TTC39B: variants seen among roughly 807,000 people sequenced by gnomAD.
TTC39B encodes tetratricopeptide repeat protein 39B.
In TTC39B, 92 loss-of-function variants were observed where a neutral mutation model predicts 96.6. The observed-to-expected ratio is 0.95, with a 90% CI of 0.80 to 1.13. The LOEUF (loss-of-function observed/expected upper bound fraction) is 1.13, where lower values mean the gene tolerates loss of function less well. Among genes scored for constraint, TTC39B ranks in the 50% most tolerant of loss-of-function variants. The pLI, the probability that TTC39B is intolerant of heterozygous loss-of-function variation, is 0.00. For synonymous variants in TTC39B, 367 were observed against 299.4 expected, an observed-to-expected ratio of 1.23 and a Z score of -2.33; for missense variants, 955 against 809.3, an observed-to-expected ratio of 1.18 and a Z score of -2.18.
intron 2 of TTC39B, among the ~76,000 whole-genome samples, chr9:15,242,490 G>A (rs1822089446): frequency 6.6e-6 from 1 of 152,146 alleles, no homozygotes; most frequent in South Asian, 2.1e-4. Context: ...GGCTGAAGCG[G>A]GAGGATCGCT....
chr9:15,213,848 C>T (rs1820346365), intron 4 of TTC39B, among the ~76,000 whole-genome samples: 1 of 152,126 alleles, frequency 6.6e-6, no homozygotes, highest in Non-Finnish European at 1.5e-5. Context: ...AACATAAAAA[C>T]ATTTCACTGA....
intron 2 of TTC39B, among the ~76,000 whole-genome samples, chr9:15,226,719 C>T (rs1380796161): frequency 6.6e-6 from 1 of 152,142 alleles, no homozygotes; most frequent in Non-Finnish European, 1.5e-5. Context: ...AAGGTAAGGA[C>T]CAATTTGCCT....
chr9:15,192,173 T>C (rs1183691411), intron 9 of TTC39B, among the ~76,000 whole-genome samples: 1 of 152,216 alleles, frequency 6.6e-6, no homozygotes. Flanking sequence ...TAATCACATA[T>C]TGGAATTTGA....
Position 15,209,946 on chromosome 9 carries a change from A to G in TTC39B, c.691+142T>C, listed in dbSNP as rs372371969. 145 of 642,760 alleles carry G rather than the reference A, an allele frequency of 2.3e-4. 2 individuals are homozygous for G. The East Asian group carries it at 3.2e-3, about 14-fold the overall frequency. 39.8% of individuals were successfully genotyped at this position (642,760 alleles called of 1,614,324 possible). Reference sequence around the variant, plus strand: ...AAGGCTTCAAAATGAACTATTAACAATGATTTCTTCCAGAGGGTGAGTATG... The same window carrying G: ...AAGGCTTCAAAATGAACTATTAACAGTGATTTCTTCCAGAGGGTGAGTATG... On this transcript the variant is annotated intron_variant, in intron 6 of 19. Coordinates refer to ENST00000512701, the Ensembl canonical transcript of TTC39B.
At chr9:15,178,736 T>G in intron 17 of TTC39B, among the ~76,000 whole-genome samples, 1 of 152,182 alleles carries the variant, frequency 6.6e-6, no homozygotes, top group East Asian at 1.9e-4. Flanking sequence ...ATAAAGAGCT[T>G]TATTAATTCT....
chr9:15,237,854 A>G (rs1427845123), intron 2 of TTC39B, among the ~76,000 whole-genome samples: 1 of 152,186 alleles, frequency 6.6e-6, no homozygotes, highest in Non-Finnish European at 1.5e-5. Flanking sequence ...CTACCAACCA[A>G]TATCCCTGAG....
chr9:15,238,803 C>T (rs557086370), intron 2 of TTC39B, among the ~76,000 whole-genome samples: 5 of 152,020 alleles, frequency 3.3e-5, no homozygotes, highest in South Asian at 2.1e-4. Flanking sequence ...CTGGGCAACA[C>T]GACAAAACCC....
chr9:15,235,196 A>G (rs1821721592), intron 2 of TTC39B, among the ~76,000 whole-genome samples: 1 of 152,108 alleles, frequency 6.6e-6, no homozygotes, highest in Non-Finnish European at 1.5e-5. Flanking sequence ...AATTCATATC[A>G]CCAACTAATA....
At chr9:15,194,703 T>C (rs952549724) in intron 8 of TTC39B, among the ~76,000 whole-genome samples, 1 of 152,232 alleles carries the variant, frequency 6.6e-6, no homozygotes, top group Non-Finnish European at 1.5e-5. Flanking sequence ...ATTTCCAAAC[T>C]TTTTAGTTAT....
chr9:15,186,993 G>C (rs754552403), exon 15 of TTC39B: 2 of 1,613,324 alleles, frequency 1.2e-6, no homozygotes, highest in South Asian at 1.1e-5. Flanking sequence ...TCCTCCTCTG[G>C]AAGCATACTC....
chr9:15,294,669 G>C (rs10125948), intron 1 of TTC39B, among the ~76,000 whole-genome samples: 36,743 of 152,100 alleles, frequency 0.24, 4,969 homozygotes, highest in Admixed American at 0.29. Flanking sequence ...ATGTAAACTT[G>C]AAGAATTTCC....
chr9:15,182,368 T>C (rs771066973), exon 17 of TTC39B: 60 of 1,612,074 alleles, frequency 3.7e-5, no homozygotes, highest in Non-Finnish European at 4.8e-5. Context: ...CAGAAAGGTC[T>C]TTTCTTTTGC....
At chr9:15,293,441 A>T (rs1824261754) in intron 1 of TTC39B, among the ~76,000 whole-genome samples, 1 of 152,208 alleles carries the variant, frequency 6.6e-6, no homozygotes, top group African/African-American at 2.4e-5. Flanking sequence ...GGAACAGTGT[A>T]TGAAAAAGTT....
chr9:15,243,264 C>G (rs1387489050), intron 2 of TTC39B, among the ~76,000 whole-genome samples: 1 of 152,170 alleles, frequency 6.6e-6, no homozygotes, highest in Non-Finnish European at 1.5e-5. Flanking sequence ...CCCAGAAAAC[C>G]TGAGTCACTC....
intron 2 of TTC39B, among the ~76,000 whole-genome samples, chr9:15,250,990 G>A (rs1822510452): frequency 6.6e-6 from 1 of 152,054 alleles, no homozygotes; most frequent in South Asian, 2.1e-4. Context: ...AAGGTCAGGA[G>A]TTCCACACCA....
intron 2 of TTC39B, among the ~76,000 whole-genome samples, chr9:15,230,031 T>C (rs1343697500): frequency 1.3e-5 from 2 of 152,230 alleles, no homozygotes; most frequent in African/African-American, 4.8e-5. Context: ...GGTCTTCTCT[T>C]ATTTCCTTCA....
At chr9:15,283,803 T>C (rs1479392207) in intron 1 of TTC39B, among the ~76,000 whole-genome samples, 1 of 152,166 alleles carries the variant, frequency 6.6e-6, no homozygotes, top group Non-Finnish European at 1.5e-5. Flanking sequence ...CTAAGGATAT[T>C]GGTTGTCTAC....
chr9:15,214,336 G>GTGTA, intron 3 of TTC39B, 87 bp from the exon 4 acceptor site: 1 of 812,332 alleles, frequency 1.2e-6, no homozygotes, highest in Non-Finnish European at 2.0e-6. Context: ...GTGTGTGTGT[G>GTGTA]TGTGTGTGTG....
intron 2 of TTC39B, among the ~76,000 whole-genome samples, chr9:15,252,441 G>A (rs1245150462): frequency 6.6e-6 from 1 of 152,192 alleles, no homozygotes; most frequent in Admixed American, 6.5e-5. Flanking sequence ...GAGGTCAGGA[G>A]ATCAAGACCA....
Sources: gnomAD v4.1 joint callset for allele counts (sites outside exome capture counted in the v4.1 genomes callset) on GRCh38, gnomAD v4.1.1 for gene constraint, MANE v1.5 for transcripts, NCBI Gene and HGNC (gene_info 2026-07-23, HGNC 2026-07-21) for gene names.